INO80: variants seen among roughly 807,000 people sequenced by gnomAD.
INO80 encodes the protein INO80 complex ATPase subunit.
A neutral mutation model predicts 203.4 loss-of-function variants in INO80; 20 were observed. The observed-to-expected ratio is 0.10, with a 90% CI of 0.07 to 0.14. The LOEUF (loss-of-function observed/expected upper bound fraction) is 0.14. Ranked by LOEUF, INO80 falls within the 10% of genes least tolerant of loss-of-function variation. The pLI is 1.00. For missense variants in INO80, 1,419 were observed against 1,914.4 expected (o/e 0.74, Z 4.83); for synonymous variants, 726 against 685.2 (o/e 1.06, Z -0.93).
intron 11 of INO80, 26 bp from the exon 12 acceptor site, chr15:41,072,084 A>AT: frequency 7.3e-7 from 1 of 1,367,920 alleles, no homozygotes; most frequent in Non-Finnish European, 9.9e-7. Context: ...AAAAAAAATT[A>AT]GAAAAAAAAA....
At chr15:41,064,992 C>A (rs1401322879) in intron 14 of INO80, among the ~76,000 whole-genome samples, 40 of 151,808 alleles carry the variant, frequency 2.6e-4, no homozygotes, top group Non-Finnish European at 2.9e-5. Context: ...GAGCGAGACA[C>A]TGTCTCAAAA....
chr15:41,053,976 T>C lies in INO80; in HGVS notation c.2227A>G (p.Met743Val). ...SRLHMILKPF[M>V]LRRIKKDVEN... Reference sequence around the variant, plus strand: ...ACATCTTTCTTGATTCTCCTCAGCATAAATGGCTTCAAAATCATGTGTAAG... The same window carrying C: ...ACATCTTTCTTGATTCTCCTCAGCACAAATGGCTTCAAAATCATGTGTAAG... The change falls in exon 19 of 36, where the codon ATG (methionine) becomes GTG (valine). Residue 743 changes from methionine (M) to valine (V), a missense_variant. Transcript: ENST00000648947. The C allele has an allele frequency of 6.2e-7, 1 of 1,613,972 alleles. No individual in the cohort carries two copies. The highest frequency in any genetic ancestry group is 1.1e-5 in the South Asian group (1 of 91,072).
intron 12 of INO80, 59 bp downstream of exon 12, chr15:41,071,790 G>T (rs2045322664): frequency 1.4e-6 from 2 of 1,443,430 alleles, no homozygotes; most frequent in South Asian, 1.2e-5. Flanking sequence ...CAATCACATT[G>T]AACAAATGAC....
chr15:40,984,146 G>A (rs138393620), intron 33 of INO80, 51 bp downstream of exon 33: 45 of 1,581,488 alleles, frequency 2.8e-5, no homozygotes, highest in South Asian at 6.8e-5. Context: ...CCTGCTACAC[G>A]GTCAGGACAC....
intron 35 of INO80, 98 bp from the exon 36 acceptor site, chr15:40,980,538 AGTG>A (rs1049741647): frequency 4.7e-6 from 4 of 846,754 alleles, no homozygotes; most frequent in African/African-American, 3.4e-5. Flanking sequence ...CTGGAGGAGA[AGTG>A]GTGGGCAATT....
chr15:40,988,305 A>T (rs140585786), intron 29 of INO80, among the ~76,000 whole-genome samples: 1 of 152,338 alleles, frequency 6.6e-6, no homozygotes, highest in East Asian at 1.9e-4. Context: ...AACTCATTTA[A>T]ATCCCAGAAT....
chr15:40,983,994 C>G (rs1429400484), intron 33 of INO80, 73 bp from the exon 34 acceptor site: 21 of 1,538,160 alleles, frequency 1.4e-5, no homozygotes, highest in Non-Finnish European at 1.9e-5. Flanking sequence ...CAGCTAGGAA[C>G]ATGCTTCACA....
chr15:40,984,434 A>G, intron 32 of INO80, 82 bp from the exon 33 acceptor site: 2 of 1,314,808 alleles, frequency 1.5e-6, no homozygotes, highest in Non-Finnish European at 2.1e-6. Context: ...AAAGGATAAC[A>G]GAACTTTTAT....
At chr15:41,019,496 C>T (rs940965375) in intron 26 of INO80, 1 of 152,132 alleles carries the variant, frequency 6.6e-6, no homozygotes, top group African/African-American at 2.4e-5. Flanking sequence ...CCCACAACGC[C>T]AGCAATAAGC....
chr15:41,051,950 T>C (rs1465155094), intron 19 of INO80, among the ~76,000 whole-genome samples: 2 of 151,776 alleles, frequency 1.3e-5, no homozygotes, highest in African/African-American at 4.8e-5. Flanking sequence ...AGAGCAAGAC[T>C]CAGTCTCAAA....
chr15:41,001,498 T>A (rs2043957900), intron 28 of INO80, among the ~76,000 whole-genome samples: 1 of 152,172 alleles, frequency 6.6e-6, no homozygotes, highest in Non-Finnish European at 1.5e-5. Flanking sequence ...AAAAAATCCA[T>A]GCTACAGTCA....
intron 16 of INO80, 21 bp from the exon 17 acceptor site, chr15:41,056,727 C>T: frequency 6.3e-7 from 1 of 1,594,414 alleles, no homozygotes; most frequent in Non-Finnish European, 8.6e-7. Context: ...AAATAAGTTA[C>T]AAATTCATGT....
chr15:41,087,434 G>GA (rs1384412079), intron 6 of INO80, 128 bp downstream of exon 6: 2 of 998,882 alleles, frequency 2.0e-6, no homozygotes, highest in Non-Finnish European at 2.9e-6. Flanking sequence ...AATTAGAAAG[G>GA]AGAGTTTTTC....
At chr15:41,102,322 A>G (rs1243507119) in intron 1 of INO80, among the ~76,000 whole-genome samples, 2 of 152,228 alleles carry the variant, frequency 1.3e-5, no homozygotes, top group African/African-American at 4.8e-5. Context: ...AGGGCATCAT[A>G]CTGCTTTTTA....
intron 25 of INO80, among the ~76,000 whole-genome samples, chr15:41,023,995 G>C (rs2044338681): frequency 6.6e-6 from 1 of 152,070 alleles, no homozygotes; most frequent in Admixed American, 6.5e-5. Context: ...CAGCATGAAA[G>C]AACAGAGAAA....
chr15:40,982,257 G>A (rs1246403353), intron 35 of INO80, among the ~76,000 whole-genome samples: 2 of 152,112 alleles, frequency 1.3e-5, no homozygotes. Flanking sequence ...GTCAATTCTC[G>A]TGCCTCAGCC....
At chr15:41,088,114 CAG>C (rs1176067258) in intron 5 of INO80, among the ~76,000 whole-genome samples, 1 of 111,774 alleles carries the variant, frequency 8.9e-6, no homozygotes, top group Non-Finnish European at 1.7e-5. Flanking sequence ...TTTTTTGAGA[CAG>C]AGTCTTGCTC....
rs554723724 is a variant in INO80, at chr15:41,050,113, AT to A, written c.2275-12del. 1.9e-6 allele frequency: 3 copies of A among 1,589,094 alleles called. No homozygotes were observed. The highest frequency in any genetic ancestry group is 2.6e-6 in the Non-Finnish European group (3 of 1,161,448). ...CATTAGAATCTCAATCTAAAAATCA[AT>A]AAGAACATTTATATTTGGAAAAGTA... On this transcript the variant is annotated splice_polypyrimidine_tract_variant and intron_variant, in intron 19 of 35. Coordinates refer to ENST00000648947, the MANE Select transcript of INO80 (RefSeq NM_017553.3).
intron 1 of INO80, among the ~76,000 whole-genome samples, chr15:41,099,299 TGAGA>T (rs1462463785): frequency 1.6e-5 from 1 of 61,268 alleles, no homozygotes; most frequent in Non-Finnish European, 3.4e-5. Context: ...AACAAGAGAG[TGAGA>T]GAGAGGGAAA....
Sources: gnomAD v4.1 joint callset for allele counts (sites outside exome capture counted in the v4.1 genomes callset) on GRCh38, gnomAD v4.1.1 for gene constraint, MANE v1.5 for transcripts, NCBI Gene and HGNC (gene_info 2026-07-23, HGNC 2026-07-21) for gene names.